Variants in ADARB2 observed in about 807,000 individuals in gnomAD.
ADARB2 encodes inactive double-stranded RNA-specific editase B2.
Under a neutral mutation model 62.2 loss-of-function variants are expected in ADARB2, and 25 were observed. The observed-to-expected ratio is 0.40, with a 90% CI of 0.29 to 0.56. ADARB2 has a LOEUF of 0.56. Ranked by LOEUF, ADARB2 falls within the 20% of genes least tolerant of loss-of-function variation. The probability of loss-of-function intolerance (pLI) is 0.43; values close to 1 mark genes in which losing one functional copy is unlikely to be tolerated. For synonymous variants in ADARB2, 572 were observed against 500.8 expected, an observed-to-expected ratio of 1.14 and a Z score of -1.90; for missense variants, 1,071 against 1,077.4, an observed-to-expected ratio of 0.99 and a Z score of 0.08.
chr10:1,386,204 T>C (rs1832523861), intron 1 of ADARB2, among the ~76,000 whole-genome samples: 1 of 151,494 alleles, frequency 6.6e-6, no homozygotes, highest in Non-Finnish European at 1.5e-5. Context: ...ACAGAGAAGA[T>C]AAAATAGAAT....
intron 1 of ADARB2, among the ~76,000 whole-genome samples, chr10:1,569,493 C>A (rs1487649634): frequency 2.6e-5 from 4 of 152,186 alleles, no homozygotes; most frequent in Admixed American, 2.0e-4. Flanking sequence ...TACCCAACAC[C>A]TAACGAGGTC....
chr10:1,537,813 G>C (rs1832353025), intron 1 of ADARB2, among the ~76,000 whole-genome samples: 1 of 152,078 alleles, frequency 6.6e-6, no homozygotes, highest in South Asian at 2.1e-4. Flanking sequence ...GACCTGTCAG[G>C]GGGTGAGGGG....
chr10:1,685,452 AAAT>A (rs1290778708), intron 1 of ADARB2, among the ~76,000 whole-genome samples: 8 of 152,296 alleles, frequency 5.3e-5, no homozygotes, highest in Admixed American at 5.2e-4. Flanking sequence ...ATGGAATTCT[AAAT>A]AACAGGCAGG....
rs149204245 is a variant in ADARB2, at chr10:1,416,417, G to A, written c.101-37257C>T. Among the ~76,000 whole-genome samples the A allele has an allele frequency of 3.8e-3, 572 of 152,358 alleles. 3 individuals are homozygous for A. Among genetic ancestry groups the A allele is most frequent in the Non-Finnish European group, 6.6e-3 (448 of 68,034 alleles). On this transcript the variant is annotated intron_variant, in intron 1 of 9. Transcript: ENST00000381312. ...TTCTATTGCACTTCAGTTATAGCTG[G>A]TTCCTCCTCTAACCTACTCTGGGGT... is the stretch of plus-strand genomic sequence containing the variant.
chr10:1,446,023 G>A (rs747037144), intron 1 of ADARB2, among the ~76,000 whole-genome samples: 4 of 151,768 alleles, frequency 2.6e-5, no homozygotes, highest in Non-Finnish European at 4.4e-5. Context: ...ACTCCCTAGA[G>A]TAAGGTTCTA....
chr10:1,707,533 A>G (rs1460941245), intron 1 of ADARB2, among the ~76,000 whole-genome samples: 1 of 152,170 alleles, frequency 6.6e-6, no homozygotes, highest in African/African-American at 2.4e-5. Context: ...TAATCTTGTT[A>G]CTTGATGAAG....
chr10:1,653,635 G>C (rs12767498), intron 1 of ADARB2, among the ~76,000 whole-genome samples: 29,162 of 133,398 alleles, frequency 0.22, 2,951 homozygotes, highest in Admixed American at 0.26. Context: ...GAGCCGCAGT[G>C]TCCACCCAAC....
intron 1 of ADARB2, among the ~76,000 whole-genome samples, chr10:1,442,595 G>A (rs558315451): frequency 1.5e-4 from 23 of 152,202 alleles, no homozygotes; most frequent in African/African-American, 5.1e-4. Flanking sequence ...GTGCTACCCC[G>A]ACAATAAACA....
intron 1 of ADARB2, among the ~76,000 whole-genome samples, chr10:1,686,588 C>T (rs756007950): frequency 6.6e-5 from 10 of 152,100 alleles, no homozygotes; most frequent in African/African-American, 1.4e-4. Context: ...AGGAAACGTA[C>T]GGGACTGTGA....
At position 1,435,788 on chromosome 10, in the gene ADARB2, A is replaced by C. The variant is rs565613113; in HGVS notation, c.101-56628T>G. Among the ~76,000 whole-genome samples, 401 of 152,326 alleles carry C rather than the reference A, an allele frequency of 2.6e-3. 3 individuals are homozygous for C. The highest frequency in any genetic ancestry group is 0.024 in the Middle Eastern group (7 of 294). On this transcript the variant is annotated intron_variant, in intron 1 of 9. Coordinates refer to ENST00000381312, the MANE Select transcript of ADARB2 (RefSeq NM_018702.4). ...CAGCAGGCAACGTGAGGCTGGAAGGATGTGGCCTCCGGGAAGGTTTTAGTC... is the reference window on the plus strand; with the variant it reads ...CAGCAGGCAACGTGAGGCTGGAAGGCTGTGGCCTCCGGGAAGGTTTTAGTC...
chr10:1,476,308 A>C (rs1463058450), intron 1 of ADARB2, among the ~76,000 whole-genome samples: 2 of 152,134 alleles, frequency 1.3e-5, no homozygotes, highest in Non-Finnish European at 2.9e-5. Context: ...AGGGTGCCCA[A>C]CTGCAGGTCT....
intron 6 of ADARB2, among the ~76,000 whole-genome samples, chr10:1,219,253 G>GT (rs1453354833): frequency 6.6e-6 from 1 of 152,132 alleles, no homozygotes; most frequent in Non-Finnish European, 1.5e-5. Context: ...AGTCTCAGGT[G>GT]TTTCTCTAGA....
At chr10:1,622,134 C>G (rs1050311835) in intron 1 of ADARB2, among the ~76,000 whole-genome samples, 9 of 152,150 alleles carry the variant, frequency 5.9e-5, no homozygotes, top group African/African-American at 2.2e-4. Flanking sequence ...TCTGGTTCTA[C>G]TGTATACTCA....
At chr10:1,519,750 G>T (rs938129874) in intron 1 of ADARB2, among the ~76,000 whole-genome samples, 1 of 152,050 alleles carries the variant, frequency 6.6e-6, no homozygotes, top group South Asian at 2.1e-4. Flanking sequence ...ATGGCCTGAG[G>T]GTTTTTCACC....
chr10:1,441,519 C>T (rs1360179736), intron 1 of ADARB2, among the ~76,000 whole-genome samples: 2 of 152,158 alleles, frequency 1.3e-5, no homozygotes, highest in Non-Finnish European at 2.9e-5. Context: ...AAGATATTTT[C>T]CAAGTCCTTT....
At chr10:1,277,658 C>T (rs976614576) in intron 3 of ADARB2, among the ~76,000 whole-genome samples, 2 of 152,100 alleles carry the variant, frequency 1.3e-5, no homozygotes, top group South Asian at 2.1e-4. Context: ...GATTCACAGC[C>T]GAATTCTACC....
At chr10:1,572,310 C>T (rs907142897) in intron 1 of ADARB2, among the ~76,000 whole-genome samples, 3 of 141,616 alleles carry the variant, frequency 2.1e-5, no homozygotes, top group South Asian at 2.3e-4. Flanking sequence ...CTTGCAGGTG[C>T]GTGTGCAGGT....
intron 6 of ADARB2, among the ~76,000 whole-genome samples, chr10:1,233,158 G>C (rs1051485067): frequency 6.6e-6 from 1 of 152,140 alleles, no homozygotes; most frequent in Admixed American, 6.5e-5. Context: ...TGATGGAGAG[G>C]ACAGAGGGGC....
chr10:1,462,049 CT>C (rs1464884761), intron 1 of ADARB2, among the ~76,000 whole-genome samples: 1 of 152,192 alleles, frequency 6.6e-6, no homozygotes, highest in African/African-American at 2.4e-5. Flanking sequence ...TTAATAATTA[CT>C]TTGCCATCAG....
Sources: gnomAD v4.1 joint callset for allele counts (sites outside exome capture counted in the v4.1 genomes callset) on GRCh38, gnomAD v4.1.1 for gene constraint, MANE v1.5 for transcripts, NCBI Gene and HGNC (gene_info 2026-07-23, HGNC 2026-07-21) for gene names.